The following LRRTM4 variants were observed in gnomAD, a reference collection of about 807,000 sequenced individuals.
LRRTM4 encodes leucine rich repeat transmembrane neuronal 4, also known as leucine-rich repeat transmembrane neuronal protein 4.
LRRTM4 carries 25 observed loss-of-function variants against 47.6 expected under a neutral mutation model. That is an observed-to-expected ratio of 0.53 (90% CI 0.38 to 0.73). The LOEUF (loss-of-function observed/expected upper bound fraction) is 0.73. Among genes scored for constraint, LRRTM4 ranks in the 30% least tolerant of loss-of-function variants. LRRTM4 has a pLI of 0.00. For missense variants in LRRTM4, 638 were observed against 713.4 expected (o/e 0.89, Z 1.20); for synonymous variants, 311 against 269.5 (o/e 1.15, Z -1.51).
At chr2:77,048,373 T>C (rs1009735856) in intron 3 of LRRTM4, among the ~76,000 whole-genome samples, 1 of 152,054 alleles carries the variant, frequency 6.6e-6, no homozygotes, top group African/African-American at 2.4e-5. Context: ...ATGAATTATT[T>C]GGCATTAAAA....
At chr2:77,349,197 T>G (rs1384727848) in intron 3 of LRRTM4, among the ~76,000 whole-genome samples, 1 of 151,988 alleles carries the variant, frequency 6.6e-6, no homozygotes, top group Non-Finnish European at 1.5e-5. Flanking sequence ...TAAAATTAAT[T>G]ATTGACTTTT....
chr2:77,137,860 G>A (rs1671995926), intron 3 of LRRTM4, among the ~76,000 whole-genome samples: 1 of 152,090 alleles, frequency 6.6e-6, no homozygotes, highest in Non-Finnish European at 1.5e-5. Flanking sequence ...AACCAACAGA[G>A]ATCAAAAGAG....
chr2:77,218,368 T>A (rs1448731237), intron 3 of LRRTM4, among the ~76,000 whole-genome samples: 7 of 151,694 alleles, frequency 4.6e-5, no homozygotes, highest in Non-Finnish European at 1.0e-4. Context: ...GATAGCTTAT[T>A]TCAGACTTTT....
At chr2:76,784,506 G>A (rs1416691644) in intron 3 of LRRTM4, among the ~76,000 whole-genome samples, 2 of 151,974 alleles carry the variant, frequency 1.3e-5, no homozygotes, top group African/African-American at 2.4e-5. Context: ...TTCTCACTGG[G>A]TGATAAGATT....
chr2:77,419,270 C>T (rs779558358), intron 3 of LRRTM4, among the ~76,000 whole-genome samples: 3 of 152,104 alleles, frequency 2.0e-5, no homozygotes, highest in Non-Finnish European at 2.9e-5. Context: ...AAATTTATGG[C>T]TAAGAAACAT....
Position 76,807,445 on chromosome 2 carries a change from C to CATATATATATATACATATATATATACAT in LRRTM4, c.1552-58557_1552-58530dup, listed in dbSNP as rs1264598748. 5.1e-3 allele frequency among the ~76,000 whole-genome samples: 352 copies of CATATATATATATACATATATATATACAT among 69,210 alleles called. 1 individual carries two copies. The highest frequency in any genetic ancestry group is 6.8e-3 in the East Asian group (11 of 1,608). 45.4% of individuals were successfully genotyped at this position (69,210 alleles called of 152,430 possible). A position where few individuals can be genotyped will look rare whatever the true frequency, so the allele number is the denominator to read the frequency against. On this transcript the variant is annotated intron_variant, in intron 3 of 3. Coordinates refer to ENST00000409884, the MANE Select transcript of LRRTM4 (RefSeq NM_001134745.3). ...ATATACATATATATATACGTATATA[C>CATATATATATATACATATATATATACAT]ATATATATATATACATATATATATA... is the stretch of plus-strand genomic sequence containing the variant.
At chr2:77,433,835 G>A (rs1000729659) in intron 3 of LRRTM4, among the ~76,000 whole-genome samples, 5 of 152,290 alleles carry the variant, frequency 3.3e-5, no homozygotes, top group African/African-American at 1.2e-4. Context: ...TCTTTGAGCT[G>A]GGGCATGAGA....
intron 3 of LRRTM4, among the ~76,000 whole-genome samples, chr2:77,321,149 A>G (rs1421512097): frequency 6.6e-6 from 1 of 152,172 alleles, no homozygotes; most frequent in Non-Finnish European, 1.5e-5. Context: ...GTTACTAGAA[A>G]TGGATGCATT....
chr2:77,106,065 G>A (rs1671084948), intron 3 of LRRTM4, among the ~76,000 whole-genome samples: 1 of 152,020 alleles, frequency 6.6e-6, no homozygotes, highest in Non-Finnish European at 1.5e-5. Flanking sequence ...TTCTCAGAGT[G>A]ATTTTCTCCC....
chr2:77,087,051 G>A (rs1379403975), intron 3 of LRRTM4, among the ~76,000 whole-genome samples: 1 of 152,130 alleles, frequency 6.6e-6, no homozygotes, highest in Non-Finnish European at 1.5e-5. Flanking sequence ...AGATAGAATT[G>A]AAAATCAGAA....
chr2:76,980,098 T>C (rs931449601), intron 3 of LRRTM4, among the ~76,000 whole-genome samples: 6 of 152,080 alleles, frequency 3.9e-5, no homozygotes, highest in African/African-American at 2.4e-5. Context: ...ACTAAAATTA[T>C]AATACATAAA....
At chr2:77,067,810 T>C (rs985139083) in intron 3 of LRRTM4, among the ~76,000 whole-genome samples, 1 of 151,672 alleles carries the variant, frequency 6.6e-6, no homozygotes, top group Non-Finnish European at 1.5e-5. Flanking sequence ...TAGCCTCACA[T>C]CAGAAAGTCT....
At chr2:77,208,525 G>C (rs1036419456) in intron 3 of LRRTM4, among the ~76,000 whole-genome samples, 7 of 152,274 alleles carry the variant, frequency 4.6e-5, no homozygotes, top group Admixed American at 4.6e-4. Context: ...CCTGTGGGTG[G>C]AGGCTGGTCA....
intron 3 of LRRTM4, among the ~76,000 whole-genome samples, chr2:77,352,993 C>T (rs1337871741): frequency 6.6e-6 from 1 of 151,990 alleles, no homozygotes; most frequent in Non-Finnish European, 1.5e-5. Context: ...ATATGAATTG[C>T]ACATTTAAAT....
At chr2:76,830,054 T>C (rs1168594831) in intron 3 of LRRTM4, among the ~76,000 whole-genome samples, 1 of 151,958 alleles carries the variant, frequency 6.6e-6, no homozygotes, top group East Asian at 1.9e-4. Flanking sequence ...TGAGCATCTT[T>C]AACATGACTG....
At chr2:77,115,566 C>T (rs58017387) in intron 3 of LRRTM4, among the ~76,000 whole-genome samples, 10,765 of 152,122 alleles carry the variant, frequency 0.071, 847 homozygotes, top group East Asian at 0.18. Flanking sequence ...TGCCTCCAGC[C>T]GGTCCCTCCG....
At chr2:77,050,543 A>C (rs553055655) in intron 3 of LRRTM4, among the ~76,000 whole-genome samples, 1 of 152,306 alleles carries the variant, frequency 6.6e-6, no homozygotes, top group East Asian at 1.9e-4. Flanking sequence ...AAGATAAGAT[A>C]TCATTATGAA....
chr2:77,301,143 C>T lies in LRRTM4; in HGVS notation c.1551+217175G>A, dbSNP rs560863708. ...ATACATTTTACACATATTCAATGTA[C>T]TTCAAAATTAGATGCTTCATGGAAT... is the stretch of plus-strand genomic sequence containing the variant. On this transcript the variant is annotated intron_variant, in intron 3 of 3. Coordinates refer to ENST00000409884, the MANE Select transcript of LRRTM4 (RefSeq NM_001134745.3). Among the ~76,000 whole-genome samples, 20 of 152,060 alleles carry T rather than the reference C, an allele frequency of 1.3e-4. 1 individual carries two copies. Among genetic ancestry groups the T allele is most frequent in the Admixed American group, 1.2e-3 (18 of 15,270 alleles).
chr2:76,808,101 C>A (rs1354922589), intron 3 of LRRTM4, among the ~76,000 whole-genome samples: 7 of 151,808 alleles, frequency 4.6e-5, no homozygotes, highest in Non-Finnish European at 7.4e-5. Flanking sequence ...CTCACTGCAA[C>A]CTCCACCTCC....
Sources: gnomAD v4.1 joint callset for allele counts (sites outside exome capture counted in the v4.1 genomes callset) on GRCh38, gnomAD v4.1.1 for gene constraint, MANE v1.5 for transcripts, NCBI Gene and HGNC (gene_info 2026-07-23, HGNC 2026-07-21) for gene names.